The following PPIL4 variants were observed in gnomAD, a reference collection of about 807,000 sequenced individuals.
PPIL4 encodes the protein peptidylprolyl isomerase like 4.
A neutral mutation model predicts 69.1 loss-of-function variants in PPIL4; 50 were observed. That is an observed-to-expected ratio of 0.72 (90% CI 0.58 to 0.92). The LOEUF (loss-of-function observed/expected upper bound fraction) is 0.92, where lower values mean the gene tolerates loss of function less well. Among genes scored for constraint, PPIL4 ranks in the 40% least tolerant of loss-of-function variants. The pLI is 0.00. For synonymous variants in PPIL4, 193 were observed against 191.6 expected (o/e 1.01, Z -0.06); for missense variants, 480 against 587.9 (o/e 0.82, Z 1.90).
chr6:149,512,434 C>A, intron 11 of PPIL4, 132 bp from the exon 12 acceptor site: 1 of 563,526 alleles, frequency 1.8e-6, no homozygotes, highest in South Asian at 3.2e-5. Flanking sequence ...GAATATAGTA[C>A]ATTTCTAAAA....
intron 12 of PPIL4, among the ~76,000 whole-genome samples, chr6:149,509,711 G>A (rs1466345835): frequency 6.6e-6 from 1 of 152,054 alleles, no homozygotes; most frequent in Non-Finnish European, 1.5e-5. Context: ...ATATACCCCA[G>A]GTAAGAAGAC....
intron 7 of PPIL4, among the ~76,000 whole-genome samples, chr6:149,531,394 G>A (rs538566602): frequency 6.7e-6 from 1 of 150,332 alleles, no homozygotes; most frequent in South Asian, 2.1e-4. Flanking sequence ...AATTAGCCAG[G>A]CGTGGGTGGC....
At position 149,524,264 on chromosome 6, in the gene PPIL4, G is replaced by C. The variant is rs546519760; in HGVS notation, c.870+879C>G. 1.1e-4 allele frequency among the ~76,000 whole-genome samples: 17 copies of C among 152,234 alleles called. 1 individual carries two copies. Among genetic ancestry groups the C allele is most frequent in the African/African-American group, 3.6e-4 (15 of 41,554 alleles). ...TCTCAGTTAACTTATTTGGAAAAGG[G>C]GATGGTCCCTATCTTACAGAACTGT... On this transcript the variant is annotated intron_variant, in intron 9 of 12. Coordinates refer to ENST00000253329, the MANE Select transcript of PPIL4 (RefSeq NM_139126.4).
intron 8 of PPIL4, 41 bp from the exon 9 acceptor site, chr6:149,525,250 A>G (rs78749857): frequency 1.2e-5 from 13 of 1,052,968 alleles, no homozygotes; most frequent in African/African-American, 4.9e-5. Flanking sequence ...AAAAAAAAAA[A>G]GGAAGAAAGC....
chr6:149,544,797 A>G (rs1777414314), intron 1 of PPIL4, among the ~76,000 whole-genome samples: 1 of 152,188 alleles, frequency 6.6e-6, no homozygotes, highest in African/African-American at 2.4e-5. Context: ...CCAGGTGGAG[A>G]GGAGGGAGGA....
chr6:149,511,864 C>T (rs1776848478), intron 12 of PPIL4, among the ~76,000 whole-genome samples: 1 of 152,198 alleles, frequency 6.6e-6, no homozygotes, highest in Admixed American at 6.5e-5. Flanking sequence ...CACAACCACA[C>T]TTGTTTCTGA....
intron 11 of PPIL4, among the ~76,000 whole-genome samples, chr6:149,514,763 C>T (rs555229650): frequency 2.1e-5 from 1 of 46,794 alleles, no homozygotes; most frequent in Non-Finnish European, 4.2e-5. Flanking sequence ...TCTTTTGGTT[C>T]AAGTGTGTGT....
intron 4 of PPIL4, among the ~76,000 whole-genome samples, 162 bp from the exon 5 acceptor site, chr6:149,535,900 A>G (rs1777268459): frequency 6.6e-6 from 1 of 152,270 alleles, no homozygotes; most frequent in Non-Finnish European, 1.5e-5. Context: ...TACAAAGCTT[A>G]TACTGGCATA....
intron 7 of PPIL4, among the ~76,000 whole-genome samples, chr6:149,527,225 G>T (rs1266384613): frequency 6.6e-6 from 1 of 152,322 alleles, no homozygotes; most frequent in East Asian, 1.9e-4. Flanking sequence ...GGGCATGGTG[G>T]TGTGCACCTG....
chr6:149,543,942 G>C (rs1049577240), intron 1 of PPIL4, among the ~76,000 whole-genome samples: 5 of 152,198 alleles, frequency 3.3e-5, no homozygotes, highest in African/African-American at 1.2e-4. Flanking sequence ...TGGAAGGTAG[G>C]TAAGTCTGGA....
intron 7 of PPIL4, among the ~76,000 whole-genome samples, chr6:149,531,456 A>G (rs1231351158): frequency 2.6e-5 from 4 of 151,426 alleles, no homozygotes. Context: ...GAATCGCTTG[A>G]ACCTGGGAGG....
At position 149,517,433 on chromosome 6, in the gene PPIL4, T is replaced by G; in HGVS notation, c.1000A>C (p.Ser334Arg). The change falls in exon 11 of 13, where the codon AGT (serine) becomes CGT (arginine). Residue 334 changes from serine (S) to arginine (R), a missense_variant. Transcript: ENST00000253329. ...TCTTTTTCATACTCCTTGAAATCACTCTTGGTGTATTTCCCACCTATTTAT... is the reference window on the plus strand; with the variant it reads ...TCTTTTTCATACTCCTTGAAATCACGCTTGGTGTATTTCCCACCTATTTAT... ...WKGKGGKYTKSDFKEYEKEQD... is the reference protein window; with the variant it reads ...WKGKGGKYTKRDFKEYEKEQD... The G allele has an allele frequency of 8.2e-6, 13 of 1,585,772 alleles. No individual in the cohort carries two copies. The highest frequency in any genetic ancestry group is 1.1e-5 in the Non-Finnish European group (13 of 1,163,904).
chr6:149,534,800 G>T, intron 5 of PPIL4, 26 bp from the exon 6 acceptor site: 1 of 1,243,910 alleles, frequency 8.0e-7, no homozygotes, highest in Non-Finnish European at 1.1e-6. Context: ...CAAATCAAAT[G>T]TTATACATTG....
intron 1 of PPIL4, among the ~76,000 whole-genome samples, chr6:149,543,042 C>T (rs1327454588): frequency 4.6e-5 from 7 of 152,068 alleles, no homozygotes; most frequent in African/African-American, 1.7e-4. Flanking sequence ...TGAATTTAGG[C>T]AATGATCATC....
chr6:149,509,564 G>A (rs917732462), intron 12 of PPIL4, among the ~76,000 whole-genome samples: 1 of 152,148 alleles, frequency 6.6e-6, no homozygotes, highest in African/African-American at 2.4e-5. Context: ...AGACTGATGC[G>A]ACCTCAGACT....
At chr6:149,519,776 AAC>A (rs1276476289) in intron 10 of PPIL4, among the ~76,000 whole-genome samples, 1 of 152,186 alleles carries the variant, frequency 6.6e-6, no homozygotes, top group Non-Finnish European at 1.5e-5. Flanking sequence ...TCTTACTAAA[AAC>A]AGACAAAAAA....
At chr6:149,522,012 C>T (rs1777037211) in intron 9 of PPIL4, among the ~76,000 whole-genome samples, 1 of 152,174 alleles carries the variant, frequency 6.6e-6, no homozygotes, top group South Asian at 2.1e-4. Flanking sequence ...TAGTTATAAT[C>T]ATATTTATTA....
Position 149,533,348 on chromosome 6 carries a change from T to A in PPIL4, c.678+110A>T. On this transcript the variant is annotated intron_variant, in intron 7 of 12. Coordinates refer to ENST00000253329, the MANE Select transcript of PPIL4 (RefSeq NM_139126.4). ...ATACCAAATTTAAATCAGAAAAAAA[T>A]CATAACTCAATTTTTAACATTTTAA... is the stretch of plus-strand genomic sequence containing the variant. 2 of 653,332 alleles carry A rather than the reference T, an allele frequency of 3.1e-6. 1 individual carries two copies. Among genetic ancestry groups the A allele is most frequent in the South Asian group, 4.2e-5 (2 of 47,248 alleles). 40.5% of individuals were successfully genotyped at this position (653,332 alleles called of 1,614,324 possible).
intron 11 of PPIL4, among the ~76,000 whole-genome samples, chr6:149,515,345 C>T (rs1776927642): frequency 6.6e-6 from 1 of 151,980 alleles, no homozygotes; most frequent in South Asian, 2.1e-4. Context: ...CCACTGCACC[C>T]AGCCTATTTC....
Sources: gnomAD v4.1 joint callset for allele counts (sites outside exome capture counted in the v4.1 genomes callset) on GRCh38, gnomAD v4.1.1 for gene constraint, MANE v1.5 for transcripts, NCBI Gene and HGNC (gene_info 2026-07-23, HGNC 2026-07-21) for gene names.